Variants in EPN1 observed in about 807,000 individuals in gnomAD.
The protein encoded by EPN1 is epsin-1.
In EPN1, 25 loss-of-function variants were observed where a neutral mutation model predicts 56.9. That is an observed-to-expected ratio of 0.44 (90% CI 0.32 to 0.61). The LOEUF is 0.61. Among genes scored for constraint, EPN1 ranks in the 20% least tolerant of loss-of-function variants. The probability of loss-of-function intolerance (pLI) is 0.05; values close to 1 mark genes in which losing one functional copy is unlikely to be tolerated. For synonymous variants in EPN1, 411 were observed against 361.8 expected (o/e 1.14, Z -1.54); for missense variants, 785 against 823.7 (o/e 0.95, Z 0.58).
In EPN1 at chr19:55,689,286, C is replaced by G. The variant is rs1052782093; in HGVS notation, c.604-11C>G. ...CCTCCCGTCATGCCCCTCACACTCT[C>G]TCTCCCCCAGCCCCCGTCCTGCGGC... On this transcript the variant is annotated splice_polypyrimidine_tract_variant and intron_variant, in intron 4 of 10. Coordinates refer to ENST00000270460, the MANE Select transcript of EPN1 (RefSeq NM_001130072.2). The surrounding 1 kb of genome is among the most constrained non-coding windows in gnomAD (Gnocchi z 5.7). The G allele has an allele frequency of 1.9e-6, 3 of 1,545,928 alleles. No homozygotes were observed. Among genetic ancestry groups the G allele is most frequent in the Admixed American group, 2.0e-5 (1 of 50,946 alleles).
rs1273734043 is a variant in EPN1, at chr19:55,689,011, T to C, written c.603+17T>C. On this transcript the variant is annotated intron_variant, in intron 4 of 10. Transcript: ENST00000270460. This position sits in a 1 kb window ranked among gnomAD's most constrained non-coding sequence, Gnocchi z 5.7. ...GCCGACCAGGTACTGGGCGTGCAGC[T>C]GGGGCTGTCTGTCCGCCACCCGCCT... 6.3e-7 allele frequency: 1 copy of C among 1,579,182 alleles called. No homozygotes were observed. The highest frequency in any genetic ancestry group is 2.3e-5 in the East Asian group (1 of 44,094).
At chr19:55,679,893 G>A (rs1379208374) in intron 2 of EPN1, among the ~76,000 whole-genome samples, 1 of 152,354 alleles carries the variant, frequency 6.6e-6, no homozygotes, top group East Asian at 1.9e-4. Context: ...TGGAGGTGCA[G>A]GTGAGCCTCT....
intron 3 of EPN1, among the ~76,000 whole-genome samples, chr19:55,688,260 G>A (rs1353803482): frequency 6.6e-6 from 1 of 152,044 alleles, no homozygotes; most frequent in African/African-American, 2.4e-5. Context: ...AGAGGATGCT[G>A]CAGTGGAGGC....
intron 2 of EPN1, among the ~76,000 whole-genome samples, chr19:55,679,984 C>T (rs1390343325): frequency 2.0e-5 from 3 of 152,154 alleles, no homozygotes; most frequent in Non-Finnish European, 2.9e-5. Flanking sequence ...GACGCACATC[C>T]TTCCTGGTCA....
In EPN1 at chr19:55,694,860, A is replaced by C. The variant is rs1600111097; in HGVS notation, c.1399A>C (p.Thr467Pro). The C allele has an allele frequency of 6.2e-7, 1 of 1,606,900 alleles. No homozygotes were observed. Among genetic ancestry groups the C allele is most frequent in the Non-Finnish European group, 8.5e-7 (1 of 1,177,066 alleles). The change falls in exon 10 of 11, where the codon ACC (threonine) becomes CCC (proline). Residue 467 changes from threonine (T) to proline (P), a missense_variant. Transcript: ENST00000270460. The surrounding 1 kb of genome is among the most constrained non-coding windows in gnomAD (Gnocchi z 4.2). ...AGCCACACCAACTCCCACGCCCCCC[A>C]CCCGGAAGACGCCGGAGTCATTCCT... ...PAATPTPTPP[T>P]RKTPESFLGP...
In EPN1 at chr19:55,698,597, T is replaced by G. The variant is rs1987001525; in HGVS notation, c.*3241T>G. ...TCGCTCCTCGCCCTACGCTTGCCCC[T>G]CGCTCTGGAGCTGCGATGCCAGCCT... On this transcript the variant is annotated 3_prime_UTR_variant, in exon 11 of 11. Coordinates refer to ENST00000270460, the MANE Select transcript of EPN1 (RefSeq NM_001130072.2). 6.6e-6 allele frequency: 1 copy of G among 152,490 alleles called. No individual in the cohort carries two copies. Among genetic ancestry groups the G allele is most frequent in the Non-Finnish European group, 1.5e-5 (1 of 68,220 alleles). 9.4% of individuals were successfully genotyped at this position (152,490 alleles called of 1,614,324 possible).
In EPN1 at chr19:55,706,299, T is replaced by TTTTTTTTTTTTTTTTAA. The variant is rs1324277673; in HGVS notation, c.*10943_*10944insTTTTTTTTTTTTTTTAA. 1 of 154,808 alleles carries TTTTTTTTTTTTTTTTAA rather than the reference T, an allele frequency of 6.5e-6. No homozygotes were observed. The highest frequency in any genetic ancestry group is 2.5e-5 in the African/African-American group (1 of 39,260). 9.6% of individuals were successfully genotyped at this position (154,808 alleles called of 1,614,324 possible). A position where few individuals can be genotyped will look rare whatever the true frequency, so the allele number is the denominator to read the frequency against. On this transcript the variant is annotated 3_prime_UTR_variant, in exon 11 of 11. Coordinates refer to ENST00000270460, the MANE Select transcript of EPN1 (RefSeq NM_001130072.2). ...TTTCTTCTTCTTTTTTTTTTTTTTT[T>TTTTTTTTTTTTTTTTAA]AAAAGACCGTGTTTCGCTCTGTCAC...
At position 55,695,270 on chromosome 19, in the gene EPN1, A is replaced by T. The variant is rs767816384; in HGVS notation, c.1645A>T (p.Ile549Phe). The T allele has an allele frequency of 6.2e-7, 1 of 1,606,572 alleles. No homozygotes were observed. ...CGTCCCTGGAGCGCCACCCACGTAC[A>T]TCTCTCCCCTTGGCGGGGGCCCTGG... ...PPVPGAPPTY[I>F]SPLGGGPGLP... Residue 549 changes from isoleucine (I) to phenylalanine (F), a missense_variant, in exon 11 of 11, where the codon ATC (isoleucine) becomes TTC (phenylalanine). Around this residue, in one of 2 missense-constraint regions of EPN1, gnomAD observed 650 missense variants for 605.0 expected, o/e 1.07. Coordinates refer to ENST00000270460, the MANE Select transcript of EPN1 (RefSeq NM_001130072.2). This position sits in a 1 kb window ranked among gnomAD's most constrained non-coding sequence, Gnocchi z 4.4.
In EPN1 at chr19:55,706,721, C is replaced by A. The variant is rs1306175413; in HGVS notation, c.*11365C>A. On this transcript the variant is annotated 3_prime_UTR_variant, in exon 11 of 11. Coordinates refer to ENST00000270460, the MANE Select transcript of EPN1 (RefSeq NM_001130072.2). Reference sequence around the variant, plus strand: ...CAATAGTAAAGAGAGATTTAAAAAACAATAGTAAAGAGAGATTAAAAAAAA... The same window carrying A: ...CAATAGTAAAGAGAGATTTAAAAAAAAATAGTAAAGAGAGATTAAAAAAAA... 1 of 151,048 alleles carries A rather than the reference C, an allele frequency of 6.6e-6. No homozygotes were observed. The highest frequency in any genetic ancestry group is 1.5e-5 in the Non-Finnish European group (1 of 67,812). 9.4% of individuals were successfully genotyped at this position (151,048 alleles called of 1,614,324 possible). A position where few individuals can be genotyped will look rare whatever the true frequency, so the allele number is the denominator to read the frequency against.
chr19:55,708,611 A>G lies in EPN1; in HGVS notation c.*13255A>G. ...CATGCTCCTACACACCAAGACATCC[A>G]TTAAGAAAATAAAGCCATGCTTTCC... is the stretch of plus-strand genomic sequence containing the variant. On this transcript the variant is annotated 3_prime_UTR_variant, in exon 11 of 11. Transcript: ENST00000270460. 2 of 216,502 alleles carry G rather than the reference A, an allele frequency of 9.2e-6. No homozygotes were observed. Among genetic ancestry groups the G allele is most frequent in the Non-Finnish European group, 1.8e-5 (2 of 110,434 alleles). The allele number at this position is 216,502 out of a possible 1,614,324, so 13.4% of individuals were successfully genotyped here.
intron 2 of EPN1, among the ~76,000 whole-genome samples, chr19:55,684,562 C>T (rs1029666868): frequency 1.2e-4 from 18 of 152,154 alleles, no homozygotes; most frequent in East Asian, 7.7e-4. Context: ...ATGTTCCCTC[C>T]GCCCTGTCCT....
At chr19:55,693,899 G>A (rs1453154702) in intron 9 of EPN1, among the ~76,000 whole-genome samples, 1 of 152,022 alleles carries the variant, frequency 6.6e-6, no homozygotes, top group Non-Finnish European at 1.5e-5. Context: ...TTCAACATTA[G>A]GTAGAATTCT....
In EPN1 at chr19:55,706,477, C is replaced by T. The variant is rs544564701; in HGVS notation, c.*11121C>T. The T allele has an allele frequency of 6.6e-6, 1 of 151,822 alleles. No homozygotes were observed. Among genetic ancestry groups the T allele is most frequent in the Non-Finnish European group, 1.5e-5 (1 of 68,142 alleles). 9.4% of individuals were successfully genotyped at this position (151,822 alleles called of 1,614,324 possible). Reference sequence around the variant, plus strand: ...GACCAGCCTGGCCGACATGGCAAAACCCTGTCTCTACTAAAAATACAAAAA... The same window carrying T: ...GACCAGCCTGGCCGACATGGCAAAATCCTGTCTCTACTAAAAATACAAAAA... On this transcript the variant is annotated 3_prime_UTR_variant, in exon 11 of 11. Transcript: ENST00000270460.
chr19:55,685,785 C>T (rs1986131788), intron 3 of EPN1, 140 bp downstream of exon 3: 5 of 1,144,858 alleles, frequency 4.4e-6, no homozygotes, highest in Non-Finnish European at 6.1e-6. Context: ...CACCTGGGCC[C>T]CTTGCTCTGG....
At chr19:55,684,203 A>G (rs138699516) in intron 2 of EPN1, among the ~76,000 whole-genome samples, 3 of 152,296 alleles carry the variant, frequency 2.0e-5, no homozygotes, top group African/African-American at 7.2e-5. Context: ...GGAGATATGA[A>G]TGGCCCTGGC....
chr19:55,686,158 G>C (rs7253455), intron 3 of EPN1, among the ~76,000 whole-genome samples: 5 of 152,324 alleles, frequency 3.3e-5, no homozygotes, highest in African/African-American at 1.2e-4. Context: ...ACTCAGTCTG[G>C]TGGGTGGTGA....
chr19:55,699,627 C>T lies in EPN1; in HGVS notation c.*4271C>T, dbSNP rs904699227. 2 of 152,184 alleles carry T rather than the reference C, an allele frequency of 1.3e-5. No individual in the cohort carries two copies. The highest frequency in any genetic ancestry group is 6.5e-5 in the Admixed American group (1 of 15,278). The allele number at this position is 152,184 out of a possible 1,614,324, so 9.4% of individuals were successfully genotyped here. A position where few individuals can be genotyped will look rare whatever the true frequency, so the allele number is the denominator to read the frequency against. On this transcript the variant is annotated 3_prime_UTR_variant, in exon 11 of 11. Transcript: ENST00000270460. ...GTGGCAATGGTGACATTGAGTGTGG[C>T]AGAGACCGAGTGTCCCTTGAGCCTA... is the stretch of plus-strand genomic sequence containing the variant.
At position 55,695,405 on chromosome 19, in the gene EPN1, C is replaced by G; in HGVS notation, c.*49C>G. ...TCCATCCGGCTGCCCCATTCCGGCT[C>G]CCTGGGAGATCAGTGTTGTGAGTGC... On this transcript the variant is annotated 3_prime_UTR_variant, in exon 11 of 11. Coordinates refer to ENST00000270460, the MANE Select transcript of EPN1 (RefSeq NM_001130072.2). This position sits in a 1 kb window ranked among gnomAD's most constrained non-coding sequence, Gnocchi z 4.4. The G allele has an allele frequency of 9.7e-7, 1 of 1,032,358 alleles. No individual in the cohort carries two copies. Among genetic ancestry groups the G allele is most frequent in the African/African-American group, 1.6e-5 (1 of 63,054 alleles). The allele number at this position is 1,032,358 out of a possible 1,614,324, so 63.9% of individuals were successfully genotyped here.
rs766540802 is a variant in EPN1 at position 55,708,872 on chromosome 19, G to A, written c.*13516G>A. ...CAGGTGAAGGTCCCACTGTGGCCAA[G>A]GAAAGCCTTTGTGAGACGACTACTT... On this transcript the variant is annotated 3_prime_UTR_variant, in exon 11 of 11. Coordinates refer to ENST00000270460, the MANE Select transcript of EPN1 (RefSeq NM_001130072.2). 1 of 1,472,252 alleles carries A rather than the reference G, an allele frequency of 6.8e-7. No individual in the cohort carries two copies. The highest frequency in any genetic ancestry group is 9.0e-7 in the Non-Finnish European group (1 of 1,109,048). The allele number at this position is 1,472,252 out of a possible 1,614,324, so 91.2% of individuals were successfully genotyped here.
Sources: gnomAD v4.1 joint callset for allele counts (sites outside exome capture counted in the v4.1 genomes callset) on GRCh38, gnomAD v4.1.1 for gene constraint, gnomAD v4.1.1 regional missense constraint, Gnocchi (gnomAD v3.1) non-coding constraint, MANE v1.5 for transcripts, NCBI Gene and HGNC (gene_info 2026-07-23, HGNC 2026-07-21) for gene names.